ELMO1: variants seen among roughly 807,000 people sequenced by gnomAD.
ELMO1 encodes the protein engulfment and cell motility 1, also known as engulfment and cell motility protein 1.
In ELMO1, 26 loss-of-function variants were observed where a neutral mutation model predicts 98.9. That is an observed-to-expected ratio of 0.26 (90% CI 0.19 to 0.36). The LOEUF is 0.36. Among genes scored for constraint, ELMO1 ranks in the 10% least tolerant of loss-of-function variants. The pLI is 1.00. For synonymous variants in ELMO1, 346 were observed against 346.0 expected (o/e 1.00, Z 0.00); for missense variants, 627 against 935.2 (o/e 0.67, Z 4.30).
intron 15 of ELMO1, among the ~76,000 whole-genome samples, chr7:37,016,460 C>G (rs1222510048): frequency 6.6e-6 from 1 of 152,048 alleles, no homozygotes; most frequent in East Asian, 1.9e-4. Context: ...GTCAGCTGAC[C>G]CAGCAGCAGG....
intron 15 of ELMO1, among the ~76,000 whole-genome samples, chr7:37,050,661 A>C (rs111757982): frequency 1.4e-4 from 16 of 116,782 alleles, no homozygotes; most frequent in East Asian, 5.1e-4. Flanking sequence ...CACACACACA[A>C]AAGGTAACTA....
intron 15 of ELMO1, among the ~76,000 whole-genome samples, chr7:37,074,610 G>GT (rs1267189193): frequency 6.6e-6 from 1 of 152,202 alleles, no homozygotes; most frequent in Non-Finnish European, 1.5e-5. Context: ...TTGCAACACA[G>GT]TAGGTGCCCC....
At chr7:37,343,921 T>C (rs974572707) in intron 1 of ELMO1, among the ~76,000 whole-genome samples, 9 of 152,214 alleles carry the variant, frequency 5.9e-5, no homozygotes, top group Non-Finnish European at 1.2e-4. Context: ...TCACTTCTTA[T>C]ACTTCCAGTT....
chr7:37,257,758 T>C (rs9770674), intron 6 of ELMO1, among the ~76,000 whole-genome samples: 47,376 of 149,808 alleles, frequency 0.32, 7,472 homozygotes, highest in Middle Eastern at 0.41. Flanking sequence ...TCCCAATATC[T>C]TGGGAGACCG....
intron 1 of ELMO1, among the ~76,000 whole-genome samples, chr7:37,377,111 T>C (rs1475986172): frequency 6.6e-6 from 1 of 152,214 alleles, no homozygotes; most frequent in East Asian, 1.9e-4. Context: ...GGCAAAATCA[T>C]GTGATCTCAT....
intron 16 of ELMO1, among the ~76,000 whole-genome samples, chr7:36,908,784 T>A (rs1256053784): frequency 6.6e-6 from 1 of 152,200 alleles, no homozygotes; most frequent in Non-Finnish European, 1.5e-5. Context: ...CCCACCCTTT[T>A]TCCCACCTAA....
At chr7:37,143,084 T>C (rs917465808) in intron 13 of ELMO1, among the ~76,000 whole-genome samples, 1 of 152,166 alleles carries the variant, frequency 6.6e-6, no homozygotes, top group African/African-American at 2.4e-5. Context: ...AATTAGCAAA[T>C]AGTCTCAATA....
intron 16 of ELMO1, among the ~76,000 whole-genome samples, chr7:37,006,452 C>T (rs1251242076): frequency 6.6e-6 from 1 of 152,162 alleles, no homozygotes; most frequent in African/African-American, 2.4e-5. Context: ...AAAGAACAAG[C>T]TCAAGGTCAC....
In ELMO1 at chr7:37,356,541, T is replaced by C. The variant is rs1801502937; in HGVS notation, c.-73-13778A>G. On this transcript the variant is annotated intron_variant, in intron 1 of 21. Transcript: ENST00000310758. ...CAGGAACAGAAAACCAAACACCCCA[T>C]GTTCTCACTCATAAGTGGGAGTTGA... 1.3e-5 allele frequency among the ~76,000 whole-genome samples: 2 copies of C among 152,218 alleles called. 1 individual carries two copies. The highest frequency in any genetic ancestry group is 6.8e-3 in the Middle Eastern group (2 of 294).
At chr7:37,418,181 A>G (rs995013718) in intron 1 of ELMO1, among the ~76,000 whole-genome samples, 2 of 152,202 alleles carry the variant, frequency 1.3e-5, no homozygotes, top group African/African-American at 4.8e-5. Context: ...GACCTGACCT[A>G]TCTGCTAAGA....
At chr7:37,261,263 G>A (rs922263417) in intron 5 of ELMO1, among the ~76,000 whole-genome samples, 1 of 152,216 alleles carries the variant, frequency 6.6e-6, no homozygotes, top group South Asian at 2.1e-4. Context: ...GAAGTTCAGG[G>A]AAGTTAGGTA....
chr7:37,161,836 G>C (rs1176371683), intron 13 of ELMO1, among the ~76,000 whole-genome samples: 2 of 141,544 alleles, frequency 1.4e-5, no homozygotes, highest in Admixed American at 1.5e-4. Flanking sequence ...TCTACTCCCT[G>C]TGTTTCATTG....
intron 2 of ELMO1, among the ~76,000 whole-genome samples, chr7:37,318,794 A>T (rs1329389738): frequency 6.6e-6 from 1 of 152,130 alleles, no homozygotes; most frequent in Non-Finnish European, 1.5e-5. Context: ...ATTAGCCCTC[A>T]CCACCCAAAA....
intron 14 of ELMO1, among the ~76,000 whole-genome samples, chr7:37,118,363 G>C (rs912810972): frequency 6.6e-6 from 1 of 152,094 alleles, no homozygotes; most frequent in African/African-American, 2.4e-5. Context: ...TAATATACTC[G>C]TGTGACTTTT....
At chr7:37,097,304 G>A (rs1028145795) in intron 14 of ELMO1, among the ~76,000 whole-genome samples, 2 of 152,218 alleles carry the variant, frequency 1.3e-5, no homozygotes, top group South Asian at 2.1e-4. Flanking sequence ...GCGGGAGGCC[G>A]AGGCGGGCGG....
chr7:36,969,720 T>C (rs1043424267), intron 16 of ELMO1, among the ~76,000 whole-genome samples: 2 of 152,154 alleles, frequency 1.3e-5, no homozygotes, highest in Non-Finnish European at 2.9e-5. Context: ...GGGATGATCC[T>C]GGGGCTGGGT....
At chr7:36,979,096 T>G (rs950906133) in intron 16 of ELMO1, among the ~76,000 whole-genome samples, 4 of 152,162 alleles carry the variant, frequency 2.6e-5, no homozygotes, top group African/African-American at 9.7e-5. Context: ...TGTAGTGCCT[T>G]TCTCTCTGGG....
intron 16 of ELMO1, among the ~76,000 whole-genome samples, chr7:36,911,639 T>C (rs1784351144): frequency 6.6e-6 from 1 of 152,146 alleles, no homozygotes; most frequent in African/African-American, 2.4e-5. Context: ...ATGGGTAACA[T>C]ACCTTAGACC....
chr7:37,218,920 T>C (rs999035743), intron 10 of ELMO1, among the ~76,000 whole-genome samples: 8 of 152,256 alleles, frequency 5.3e-5, no homozygotes, highest in Non-Finnish European at 1.5e-5. Flanking sequence ...GTTTTTTAAA[T>C]AGTGCTTATC....
Sources: gnomAD v4.1 joint callset for allele counts (sites outside exome capture counted in the v4.1 genomes callset) on GRCh38, gnomAD v4.1.1 for gene constraint, MANE v1.5 for transcripts, NCBI Gene and HGNC (gene_info 2026-07-23, HGNC 2026-07-21) for gene names.